TAOK3: variants seen among roughly 807,000 people sequenced by gnomAD.
TAOK3 encodes the protein TAO kinase 3.
In TAOK3, 40 loss-of-function variants were observed where a neutral mutation model predicts 120.4. The observed-to-expected ratio is 0.33, with a 90% CI of 0.26 to 0.43. The LOEUF is 0.43. Among genes scored for constraint, TAOK3 ranks in the 20% least tolerant of loss-of-function variants. The pLI is 1.00. For missense variants in TAOK3, 821 were observed against 1,112.1 expected (o/e 0.74, Z 3.72); for synonymous variants, 355 against 387.5 (o/e 0.92, Z 0.99).
intron 13 of TAOK3, among the ~76,000 whole-genome samples, chr12:118,190,747 G>A (rs967145760): frequency 6.6e-6 from 1 of 152,226 alleles, no homozygotes; most frequent in Non-Finnish European, 1.5e-5. Flanking sequence ...TTGTTCTAAC[G>A]TCCAGTGAAA....
intron 3 of TAOK3, among the ~76,000 whole-genome samples, chr12:118,253,805 C>T (rs1393212985): frequency 6.7e-6 from 1 of 149,198 alleles, no homozygotes; most frequent in Non-Finnish European, 1.5e-5. Context: ...TGTAATCCCA[C>T]CACTTTGGGA....
chr12:118,167,587 AAG>A (rs986708975), intron 17 of TAOK3, among the ~76,000 whole-genome samples: 1 of 152,080 alleles, frequency 6.6e-6, no homozygotes, highest in Non-Finnish European at 1.5e-5. Context: ...AAATGGAAAA[AAG>A]AGTTACAAAA....
chr12:118,353,978 C>T (rs1450462118), intron 1 of TAOK3, among the ~76,000 whole-genome samples: 1 of 152,036 alleles, frequency 6.6e-6, no homozygotes, highest in Non-Finnish European at 1.5e-5. Context: ...TGAAAATCTG[C>T]TTATGTAAGA....
intron 1 of TAOK3, among the ~76,000 whole-genome samples, chr12:118,344,149 T>C (rs906466289): frequency 6.6e-6 from 1 of 150,976 alleles, no homozygotes; most frequent in African/African-American, 2.4e-5. Flanking sequence ...ATTGTTTAGA[T>C]TGACTTCATT....
At chr12:118,289,703 G>A (rs1470652483) in intron 1 of TAOK3, among the ~76,000 whole-genome samples, 2 of 152,128 alleles carry the variant, frequency 1.3e-5, no homozygotes, top group Non-Finnish European at 2.9e-5. Context: ...TTTAGAAACA[G>A]AATGAACCTG....
At chr12:118,225,150 A>G (rs1384784109) in intron 9 of TAOK3, among the ~76,000 whole-genome samples, 1 of 147,636 alleles carries the variant, frequency 6.8e-6, no homozygotes, top group Non-Finnish European at 1.5e-5. Flanking sequence ...CGGGAGGCTG[A>G]GGCAGGAGAA....
chr12:118,199,365 T>C, intron 12 of TAOK3, 108 bp from the exon 13 acceptor site: 1 of 834,252 alleles, frequency 1.2e-6, no homozygotes, highest in Non-Finnish European at 2.0e-6. Flanking sequence ...GTTGCTTTTC[T>C]GCCAATCTGC....
intron 1 of TAOK3, among the ~76,000 whole-genome samples, chr12:118,346,288 T>C (rs2044856021): frequency 6.6e-6 from 1 of 152,150 alleles, no homozygotes; most frequent in Non-Finnish European, 1.5e-5. Flanking sequence ...TACTAATAAG[T>C]CTTCTAGTTG....
At chr12:118,370,591 G>A (rs1392924195) in intron 1 of TAOK3, among the ~76,000 whole-genome samples, 1 of 152,194 alleles carries the variant, frequency 6.6e-6, no homozygotes, top group Middle Eastern at 3.2e-3. Context: ...GAGGTGAGGA[G>A]ATACAACCTA....
At chr12:118,204,283 T>C (rs2038183583) in intron 11 of TAOK3, among the ~76,000 whole-genome samples, 1 of 152,082 alleles carries the variant, frequency 6.6e-6, no homozygotes, top group Admixed American at 6.6e-5. Flanking sequence ...ACATTATTTT[T>C]TAAAGGCAAA....
chr12:118,215,041 G>A (rs2038818919), intron 9 of TAOK3, among the ~76,000 whole-genome samples: 2 of 150,776 alleles, frequency 1.3e-5, no homozygotes, highest in Admixed American at 6.6e-5. Flanking sequence ...CACTGCGCCC[G>A]GCCTAATTTT....
In TAOK3 at chr12:118,372,116, C is replaced by G. The variant is rs1208460667; in HGVS notation, c.-194+532G>C. On this transcript the variant is annotated intron_variant, in intron 1 of 20. Coordinates refer to ENST00000392533, the MANE Select transcript of TAOK3 (RefSeq NM_016281.4). This position sits in a 1 kb window ranked among gnomAD's most constrained non-coding sequence, Gnocchi z 4.6. ...TCACATCCCCTGACCGGTCCCCTCT[C>G]TTTACTCTGTCCTGGATTCTCTCTG... 6.6e-6 allele frequency among the ~76,000 whole-genome samples: 1 copy of G among 152,024 alleles called. No homozygotes were observed.
At chr12:118,193,863 T>C (rs2037564328) in intron 13 of TAOK3, among the ~76,000 whole-genome samples, 1 of 152,244 alleles carries the variant, frequency 6.6e-6, no homozygotes, top group Non-Finnish European at 1.5e-5. Flanking sequence ...CTTGTCTGCC[T>C]CTGCATAAGG....
At chr12:118,261,830 CAGA>C (rs2041241153) in intron 2 of TAOK3, among the ~76,000 whole-genome samples, 1 of 152,028 alleles carries the variant, frequency 6.6e-6, no homozygotes, top group South Asian at 2.1e-4. Context: ...TTAAAAAGTA[CAGA>C]AGATCAACAC....
At chr12:118,233,824 A>C (rs2039892150) in intron 8 of TAOK3, 59 bp from the exon 9 acceptor site, 2 of 1,146,808 alleles carry the variant, frequency 1.7e-6, no homozygotes, top group Admixed American at 4.1e-5. Context: ...TTCTCCAGGA[A>C]AGTGATTCAA....
chr12:118,207,711 C>T (rs1439262116), intron 11 of TAOK3, among the ~76,000 whole-genome samples: 1 of 152,032 alleles, frequency 6.6e-6, no homozygotes, highest in African/African-American at 2.4e-5. Context: ...AAAAACTAGC[C>T]AGACATGGTG....
chr12:118,365,910 T>C (rs944957879), intron 1 of TAOK3, among the ~76,000 whole-genome samples: 3 of 152,202 alleles, frequency 2.0e-5, no homozygotes, highest in Non-Finnish European at 4.4e-5. Context: ...GGTTTGAAAG[T>C]ATTTGTGTAT....
chr12:118,215,437 G>C (rs1012610923), intron 9 of TAOK3, among the ~76,000 whole-genome samples: 3 of 151,218 alleles, frequency 2.0e-5, no homozygotes, highest in African/African-American at 4.9e-5. Flanking sequence ...GCATGAACCC[G>C]AGAGGCAGAG....
rs147416539 is a variant in TAOK3 at position 118,303,024 on chromosome 12, A to C, written c.-193-36265T>G. On this transcript the variant is annotated intron_variant, in intron 1 of 20. Transcript: ENST00000392533. ...CACCCACCCAAACAATCAAAATATC[A>C]AGACCAGAAAGTGGATAAACAAAGT... Among the ~76,000 whole-genome samples, 645 of 152,306 alleles carry C rather than the reference A, an allele frequency of 4.2e-3. 3 individuals are homozygous for C. The highest frequency in any genetic ancestry group is 0.015 in the African/African-American group (608 of 41,578).
Sources: gnomAD v4.1 joint callset for allele counts (sites outside exome capture counted in the v4.1 genomes callset) on GRCh38, gnomAD v4.1.1 for gene constraint, Gnocchi (gnomAD v3.1) non-coding constraint, MANE v1.5 for transcripts, NCBI Gene and HGNC (gene_info 2026-07-23, HGNC 2026-07-21) for gene names.